Variants in RCC1L observed in about 807,000 individuals in gnomAD.
The protein encoded by RCC1L is RCC1 like.
A neutral mutation model predicts 58.6 loss-of-function variants in RCC1L; 46 were observed. The ratio of observed to expected loss-of-function variants is 0.79; its 90% CI spans 0.62 to 1.00. RCC1L has a LOEUF of 1.00. RCC1L is among the 50% of genes least tolerant of loss of function. The pLI, the probability that RCC1L is intolerant of heterozygous loss-of-function variation, is 0.00. For synonymous variants in RCC1L, 281 were observed against 262.9 expected (o/e 1.07, Z -0.67); for missense variants, 636 against 623.6 (o/e 1.02, Z -0.21).
chr7:75,046,369 C>T (rs1352353525), intron 10 of RCC1L, among the ~76,000 whole-genome samples: 2 of 152,232 alleles, frequency 1.3e-5, no homozygotes, highest in Admixed American at 6.5e-5. Flanking sequence ...TTAGGGAGCA[C>T]TTTATTTACC....
downstream of RCC1L, among the ~76,000 whole-genome samples, chr7:75,041,856 T>A (rs1188098643): frequency 7.4e-6 from 1 of 135,784 alleles, no homozygotes; most frequent in Non-Finnish European, 1.5e-5. Context: ...AAAGCAAGAC[T>A]CTGTCTCAAA....
chr7:75,056,424 C>G (rs1490429841), intron 8 of RCC1L: 2 of 1,185,448 alleles, frequency 1.7e-6, no homozygotes, highest in Non-Finnish European at 2.3e-6. Flanking sequence ...GTTTTCTCCC[C>G]CTAATGACAG....
intron 5 of RCC1L, 104 bp from the exon 6 acceptor site, chr7:75,061,395 T>C: frequency 1.1e-6 from 1 of 916,210 alleles, no homozygotes; most frequent in Non-Finnish European, 1.8e-6. Flanking sequence ...CCTGGGCACC[T>C]GGAGCATGGT....
At chr7:75,041,145 C>T (rs1024815537), downstream of RCC1L, among the ~76,000 whole-genome samples, 9 of 152,012 alleles carry the variant, frequency 5.9e-5, no homozygotes, top group African/African-American at 1.4e-4. Context: ...AACCGGGAGG[C>T]GGAGGTTGCA....
intron 10 of RCC1L, among the ~76,000 whole-genome samples, chr7:75,029,436 C>T (rs1445651062): frequency 6.6e-6 from 1 of 150,924 alleles, no homozygotes; most frequent in East Asian, 2.0e-4. Flanking sequence ...CTCTGCTTCC[C>T]AGGTTCAAGT....
chr7:75,062,142 T>C (rs587741319), intron 5 of RCC1L, among the ~76,000 whole-genome samples: 1 of 149,134 alleles, frequency 6.7e-6, no homozygotes, highest in Admixed American at 6.9e-5. Context: ...GAGCTGAGAT[T>C]GTGCCACTGC....
Position 75,070,604 on chromosome 7 carries a change from A to G in RCC1L, c.454+36T>C, listed in dbSNP as rs782524878. ...ACAAAAAAAGAGCTTTCTCAGACCA[A>G]TCCCGGCAAAGAGGAGACAAGGTAG... On this transcript the variant is annotated intron_variant, in intron 2 of 10. Transcript: ENST00000610322. 5 of 1,610,602 alleles carry G rather than the reference A, an allele frequency of 3.1e-6. No homozygotes were observed. In the South Asian group the frequency reaches 3.3e-5, roughly 11 times the overall value.
At chr7:75,028,041 T>C (rs1260976918) in exon 11 of RCC1L, 5 of 1,533,482 alleles carry the variant, frequency 3.3e-6, no homozygotes, top group Non-Finnish European at 4.4e-6. Flanking sequence ...ATCAGAGGAG[T>C]GGGCCTGTTG....
At chr7:75,039,887 A>G (rs1805514254), downstream of RCC1L, among the ~76,000 whole-genome samples, 1 of 152,132 alleles carries the variant, frequency 6.6e-6, no homozygotes, top group African/African-American at 2.4e-5. Context: ...CAACCGAGCT[A>G]ATGGCATAGT....
chr7:75,048,422 T>C (rs1805811138), intron 10 of RCC1L, among the ~76,000 whole-genome samples: 1 of 152,198 alleles, frequency 6.6e-6, no homozygotes, highest in African/African-American at 2.4e-5. Flanking sequence ...AAGCACCGTC[T>C]ACAGGCAGAG....
rs782801520 is a variant in RCC1L at position 75,055,923 on chromosome 7, G to A, written c.1209C>T (p.Leu403=). The A allele has an allele frequency of 6.8e-6, 11 of 1,613,978 alleles. No individual in the cohort carries two copies. In the African/African-American group the frequency reaches 9.3e-5, roughly 14 times the overall value. ...EIQVSRIRCG[L]SHFAALTNKG... ...TACTGGTCAGTGCAGCAAAGTGGCT[G>A]AGTCCACATCGGATGCGGGAAACCT... Residue 403 remains leucine (L), a synonymous_variant, in exon 9 of 11, where the codon CTC becomes CTT. Transcript: ENST00000610322.
chr7:75,059,895 G>C (rs1806218201), intron 6 of RCC1L, among the ~76,000 whole-genome samples: 2 of 152,128 alleles, frequency 1.3e-5, no homozygotes, highest in African/African-American at 4.8e-5. Flanking sequence ...TGAGTAGCTG[G>C]GACTACAGGC....
intron 3 of RCC1L, among the ~76,000 whole-genome samples, chr7:75,065,804 G>A (rs1210623897): frequency 2.0e-5 from 3 of 151,874 alleles, no homozygotes; most frequent in Admixed American, 1.3e-4. Flanking sequence ...GATCACCTGA[G>A]GTCAGGTGTT....
At chr7:75,063,783 G>A (rs1020659470) in intron 4 of RCC1L, among the ~76,000 whole-genome samples, 2 of 152,038 alleles carry the variant, frequency 1.3e-5, no homozygotes, top group Non-Finnish European at 2.9e-5. Flanking sequence ...AGCCAAGTGC[G>A]GTGGCGGACG....
chr7:75,033,071 C>CAAAA (rs71098024), intron 10 of RCC1L, among the ~76,000 whole-genome samples: 4 of 70,144 alleles, frequency 5.7e-5, no homozygotes, highest in Admixed American at 1.8e-4. Context: ...GACTTTGTCT[C>CAAAA]AAAAAAAAAA....
chr7:75,072,734 C>G (rs1174061521), intron 1 of RCC1L, among the ~76,000 whole-genome samples: 1 of 152,184 alleles, frequency 6.6e-6, no homozygotes, highest in Admixed American at 6.6e-5. Context: ...AATCCCAGCA[C>G]TTTGGGAGGC....
chr7:75,028,567 C>A (rs1805207446), intron 10 of RCC1L, among the ~76,000 whole-genome samples: 1 of 152,100 alleles, frequency 6.6e-6, no homozygotes, highest in African/African-American at 2.4e-5. Flanking sequence ...CTCAGAGTAC[C>A]AGTGGGAGCT....
At chr7:75,039,413 T>C (rs1285169207), downstream of RCC1L, among the ~76,000 whole-genome samples, 3 of 152,172 alleles carry the variant, frequency 2.0e-5, no homozygotes, top group East Asian at 5.8e-4. Context: ...TTAATGAAAA[T>C]GTGGGCTGAC....
At chr7:75,039,360 C>T (rs1805495097), downstream of RCC1L, among the ~76,000 whole-genome samples, 1 of 152,248 alleles carries the variant, frequency 6.6e-6, no homozygotes, top group African/African-American at 2.4e-5. Context: ...CAGGATTTGA[C>T]TTTGTCATGC....
Sources: allele counts gnomAD v4.1 joint callset (sites outside exome capture counted in the v4.1 genomes callset), GRCh38; gene constraint gnomAD v4.1.1; transcripts MANE v1.5; gene names NCBI Gene and HGNC (gene_info 2026-07-23, HGNC 2026-07-21).